FOXP2: variants seen among roughly 807,000 people sequenced by gnomAD.
FOXP2 encodes forkhead box P2, also known as forkhead box protein P2.
FOXP2 carries 12 observed loss-of-function variants against 115.8 expected under a neutral mutation model. The observed-to-expected ratio is 0.10, with a 90% CI of 0.07 to 0.17. FOXP2 has a LOEUF of 0.17. Among genes scored for constraint, FOXP2 ranks in the 10% least tolerant of loss-of-function variants. The pLI, the probability that FOXP2 is intolerant of heterozygous loss-of-function variation, is 1.00. For synonymous variants in FOXP2, 328 were observed against 297.7 expected (o/e 1.10, Z -1.05); for missense variants, 629 against 843.5 (o/e 0.75, Z 3.15).
intron 2 of FOXP2, among the ~76,000 whole-genome samples, chr7:114,404,875 A>T (rs949997651): frequency 6.6e-6 from 1 of 151,922 alleles, no homozygotes; most frequent in African/African-American, 2.4e-5. Flanking sequence ...TTTTTCTCTA[A>T]TGTAAACTGA....
chr7:114,389,924 G>T (rs1179260450), intron 2 of FOXP2, among the ~76,000 whole-genome samples: 1 of 150,966 alleles, frequency 6.6e-6, no homozygotes, highest in African/African-American at 2.4e-5. Flanking sequence ...CTCAGGAGGT[G>T]GAGGCATGAG....
chr7:114,569,205 C>T (rs1801170734), intron 3 of FOXP2, among the ~76,000 whole-genome samples: 1 of 151,828 alleles, frequency 6.6e-6, no homozygotes, highest in Admixed American at 6.6e-5. Flanking sequence ...GTCCAAAAAT[C>T]GTGTGGCTTG....
At chr7:114,506,026 C>T (rs1797801038) in intron 2 of FOXP2, among the ~76,000 whole-genome samples, 1 of 151,148 alleles carries the variant, frequency 6.6e-6, no homozygotes, top group Admixed American at 6.6e-5. Context: ...ACTTCCACTC[C>T]CACATTAAAA....
At position 114,689,922 on chromosome 7, in the gene FOXP2, A is replaced by G. The variant is rs1023491570; in HGVS notation, c.2144A>G (p.Glu715Gly). The change falls in exon 17 of 17, where the codon GAA (glutamate) becomes GGA (glycine). Residue 715 changes from glutamate (E) to glycine (G), a missense_variant. By Grantham distance (98) the Glu-to-Gly change is moderately conservative. This residue lies in a region of FOXP2 where 117 missense variants were observed against 112.3 expected (regional missense o/e 1.04). Coordinates refer to ENST00000350908, the MANE Select transcript of FOXP2 (RefSeq NM_014491.4). ...IEEEPLSEDL[E>G] ...GAAGAGCCTTTATCTGAAGATCTGGAATGAGAACTGACTTGTGAAACCTCA... is the reference window on the plus strand; with the variant it reads ...GAAGAGCCTTTATCTGAAGATCTGGGATGAGAACTGACTTGTGAAACCTCA... 1 of 1,612,984 alleles carries G rather than the reference A, an allele frequency of 6.2e-7. No individual in the cohort carries two copies. Among genetic ancestry groups the G allele is most frequent in the African/African-American group, 1.3e-5 (1 of 74,846 alleles).
chr7:114,340,001 A>G (rs1361110177), intron 2 of FOXP2, among the ~76,000 whole-genome samples: 1 of 151,256 alleles, frequency 6.6e-6, no homozygotes, highest in Non-Finnish European at 1.5e-5. Context: ...AAATATTTAA[A>G]AAAGGAGTCA....
At chr7:114,613,496 A>G (rs1317904679) in intron 3 of FOXP2, among the ~76,000 whole-genome samples, 1 of 152,040 alleles carries the variant, frequency 6.6e-6, no homozygotes, top group Non-Finnish European at 1.5e-5. Context: ...TAACAAAGTG[A>G]AACCCCGTCT....
chr7:114,550,508 A>G (rs1446283656), intron 3 of FOXP2, among the ~76,000 whole-genome samples: 1 of 152,174 alleles, frequency 6.6e-6, no homozygotes, highest in Non-Finnish European at 1.5e-5. Flanking sequence ...GCACAAGTCA[A>G]AAACAAACAA....
intron 1 of FOXP2, among the ~76,000 whole-genome samples, chr7:114,128,547 C>A (rs1791783059): frequency 6.6e-6 from 1 of 150,392 alleles, no homozygotes. Flanking sequence ...CTTTATTCTT[C>A]TATTTAGTTC....
intron 1 of FOXP2, among the ~76,000 whole-genome samples, chr7:114,142,764 A>T (rs543553308): frequency 3.4e-4 from 51 of 152,210 alleles, no homozygotes; most frequent in African/African-American, 1.2e-3. Context: ...AGGCTGAAGT[A>T]TTAGGCAGAT....
chr7:114,554,934 G>T (rs1800387260), intron 3 of FOXP2, among the ~76,000 whole-genome samples: 1 of 152,050 alleles, frequency 6.6e-6, no homozygotes, highest in Non-Finnish European at 1.5e-5. Flanking sequence ...CTAAAAAAGG[G>T]CTTCCTCTTA....
chr7:114,258,549 A>G (rs549379777), intron 1 of FOXP2, among the ~76,000 whole-genome samples: 10 of 152,328 alleles, frequency 6.6e-5, no homozygotes, highest in Admixed American at 3.9e-4. Flanking sequence ...AGCAATAAGG[A>G]CATTGTAGAT....
chr7:114,552,327 A>G (rs1321395629), intron 3 of FOXP2, among the ~76,000 whole-genome samples: 3 of 152,132 alleles, frequency 2.0e-5, no homozygotes, highest in East Asian at 3.8e-4. Flanking sequence ...TGACTCCACC[A>G]TTTACTGACT....
chr7:114,418,981 A>G (rs1414182739), intron 1 of FOXP2, among the ~76,000 whole-genome samples: 1 of 151,908 alleles, frequency 6.6e-6, no homozygotes, highest in Non-Finnish European at 1.5e-5. Context: ...TTCTGTCTAA[A>G]TGCATTAAAT....
At chr7:114,241,926 T>C (rs767430761) in intron 1 of FOXP2, among the ~76,000 whole-genome samples, 3 of 151,188 alleles carry the variant, frequency 2.0e-5, no homozygotes, top group Non-Finnish European at 4.4e-5. Flanking sequence ...TGAAATCTTC[T>C]AGTGGCCTCC....
At chr7:114,461,746 T>G (rs1006550509) in intron 2 of FOXP2, among the ~76,000 whole-genome samples, 1 of 152,120 alleles carries the variant, frequency 6.6e-6, no homozygotes. Context: ...TTCCCTTCCC[T>G]TGATTATTCA....
At chr7:114,606,164 G>T (rs1432990660) in intron 3 of FOXP2, among the ~76,000 whole-genome samples, 2 of 152,160 alleles carry the variant, frequency 1.3e-5, no homozygotes, top group African/African-American at 4.8e-5. Flanking sequence ...TATTATGTTT[G>T]GCTGACTGGT....
chr7:114,538,682 A>G (rs536323658), intron 3 of FOXP2, among the ~76,000 whole-genome samples: 4 of 151,832 alleles, frequency 2.6e-5, no homozygotes, highest in African/African-American at 9.6e-5. Flanking sequence ...CTTAAATTCC[A>G]TGGTTAAATA....
intron 2 of FOXP2, among the ~76,000 whole-genome samples, chr7:114,514,400 C>G (rs186592233): frequency 6.6e-6 from 1 of 151,848 alleles, no homozygotes; most frequent in African/African-American, 2.4e-5. Context: ...GTCCTTTGAC[C>G]AACATCTCCC....
chr7:114,145,214 T>C (rs549446387), intron 1 of FOXP2, among the ~76,000 whole-genome samples: 1 of 152,218 alleles, frequency 6.6e-6, no homozygotes, highest in Admixed American at 6.6e-5. Context: ...AATAAAATAC[T>C]GTTTTATAAA....
Sources: gnomAD v4.1 joint callset for allele counts (sites outside exome capture counted in the v4.1 genomes callset) on GRCh38, gnomAD v4.1.1 for gene constraint, gnomAD v4.1.1 regional missense constraint, MANE v1.5 for transcripts, NCBI Gene and HGNC (gene_info 2026-07-23, HGNC 2026-07-21) for gene names.